The following KLHL13 variants were observed in gnomAD, a reference collection of about 807,000 sequenced individuals.
The protein encoded by KLHL13 is kelch like family member 13.
Under a neutral mutation model 37.1 loss-of-function variants are expected in KLHL13, and 10 were observed. The observed-to-expected ratio is 0.27, with a 90% CI of 0.17 to 0.46. KLHL13 has a LOEUF of 0.46. Ranked by LOEUF, KLHL13 falls within the 20% of genes least tolerant of loss-of-function variation. KLHL13 has a pLI of 1.00. For synonymous variants in KLHL13, 163 were observed against 181.2 expected (o/e 0.90, Z 0.81); for missense variants, 360 against 509.3 (o/e 0.71, Z 2.82).
chrX:117,943,432 G>T (rs1180369803), intron 2 of KLHL13, among the ~76,000 whole-genome samples: 2 of 110,713 alleles, frequency 1.8e-5, no homozygotes, highest in Non-Finnish European at 3.8e-5. Flanking sequence ...TTCCAACTTT[G>T]TTCCATTCTC....
At chrX:118,101,674 T>A (rs2055290649) in intron 1 of KLHL13, among the ~76,000 whole-genome samples, 1 of 111,028 alleles carries the variant, frequency 9.0e-6, no homozygotes, top group African/African-American at 3.3e-5. Flanking sequence ...CAATTTATAA[T>A]CCCCAAGTGT....
chrX:117,898,354 A>T (rs1225025629), exon 7 of KLHL13: 1 of 112,521 alleles, frequency 8.9e-6, no homozygotes, highest in East Asian at 2.8e-4. Flanking sequence ...TTGTGTTCTC[A>T]ATGCACCCAC....
At chrX:117,956,232 C>T (rs1277339266) in intron 1 of KLHL13, among the ~76,000 whole-genome samples, 1 of 111,991 alleles carries the variant, frequency 8.9e-6, no homozygotes, top group African/African-American at 3.2e-5. Flanking sequence ...CACAACTATA[C>T]ATCATTACCT....
chrX:118,082,542 A>T (rs1327616464), intron 1 of KLHL13, among the ~76,000 whole-genome samples: 2 of 111,225 alleles, frequency 1.8e-5, no homozygotes, highest in African/African-American at 6.5e-5. Flanking sequence ...ATATTCTCTC[A>T]CATTCTGTAG....
chrX:117,935,841 T>C (rs978891005), intron 2 of KLHL13, among the ~76,000 whole-genome samples: 1 of 110,070 alleles, frequency 9.1e-6, no homozygotes, highest in African/African-American at 3.3e-5. Flanking sequence ...GAGAAAAGAG[T>C]TGGGGGCAAC....
chrX:117,965,672 G>A (rs189664995), intron 1 of KLHL13, among the ~76,000 whole-genome samples: 8 of 111,110 alleles, frequency 7.2e-5, no homozygotes, highest in South Asian at 3.8e-4. Context: ...ACTGGCAAAC[G>A]GAATCCAGCA....
Position 117,919,560 on chromosome X carries a change from C to A in KLHL13, c.531G>T (p.Leu177=), listed in dbSNP as rs1222538921. 1 of 1,210,069 alleles carries A rather than the reference C, an allele frequency of 8.3e-7. No individual in the cohort carries two copies. The highest frequency in any genetic ancestry group is 2.2e-5 in the Admixed American group (1 of 45,874). The change falls in exon 4 of 7, where the codon CTG becomes CTT. Residue 177 remains leucine, a synonymous_variant. Transcript: ENST00000262820. ...ACACTTTACAGAAGTCCAAAACTGG[C>A]AGAATCTGTAGGAAACTGGCAGCTT... is the stretch of plus-strand genomic sequence containing the variant.
intron 1 of KLHL13, among the ~76,000 whole-genome samples, chrX:118,089,607 AGAG>A (rs2055096845): frequency 2.4e-5 from 2 of 83,984 alleles, no homozygotes; most frequent in Admixed American, 2.8e-4. Flanking sequence ...AGAGAGAGAG[AGAG>A]AGAAAGAAAG....
chrX:118,024,531 TC>T (rs1423767946), intron 1 of KLHL13, among the ~76,000 whole-genome samples: 1 of 111,561 alleles, frequency 9.0e-6, no homozygotes, highest in African/African-American at 3.3e-5. Context: ...AACTAAAACC[TC>T]CTAATAATCA....
chrX:118,093,582 G>A (rs1045852227), intron 1 of KLHL13, among the ~76,000 whole-genome samples: 6 of 111,758 alleles, frequency 5.4e-5, no homozygotes, highest in Non-Finnish European at 1.1e-4. Flanking sequence ...CCTATTACAT[G>A]CTACTCTGTA....
chrX:117,919,704 T>G, exon 4 of KLHL13: 1 of 1,191,355 alleles, frequency 8.4e-7, no homozygotes, highest in Non-Finnish European at 1.1e-6. Context: ...TTAAATCTTG[T>G]TCTTTCATTC....
intron 1 of KLHL13, among the ~76,000 whole-genome samples, chrX:117,981,186 A>G (rs982436441): frequency 3.6e-5 from 4 of 112,247 alleles, no homozygotes; most frequent in African/African-American, 1.3e-4. Context: ...TTAAAATCCT[A>G]TGATGTACAA....
chrX:118,100,807 C>G (rs747294471), intron 1 of KLHL13, among the ~76,000 whole-genome samples: 11 of 111,560 alleles, frequency 9.9e-5, no homozygotes, highest in Non-Finnish European at 2.1e-4. Flanking sequence ...TATACATTGC[C>G]TATATCTTGA....
intron 1 of KLHL13, among the ~76,000 whole-genome samples, chrX:118,068,003 G>A (rs7890190): frequency 0.034 from 3,828 of 111,443 alleles, 154 homozygotes; most frequent in African/African-American, 0.12. Flanking sequence ...CAGTGGGGTC[G>A]TTTACACCAG....
chrX:117,958,267 T>C (rs1463540371), intron 1 of KLHL13, among the ~76,000 whole-genome samples: 1 of 111,526 alleles, frequency 9.0e-6, no homozygotes, highest in African/African-American at 3.2e-5. Context: ...GATTTATAAA[T>C]TAGGTACAGT....
chrX:117,994,322 T>C lies in KLHL13; in HGVS notation c.-55-48747A>G, dbSNP rs368606485. On this transcript the variant is annotated intron_variant, in intron 1 of 6. Coordinates refer to the KLHL13 transcript ENST00000371882. The stretch of plus-strand genomic sequence containing the variant: ...AGGCTGGAGTGCAGTAGTGTGATTA[T>C]AGGTGACTGCAGCCTCGAACTCCTG... 1.6e-4 allele frequency among the ~76,000 whole-genome samples: 18 copies of C among 110,530 alleles called. No individual in the cohort carries two copies. The East Asian group carries it at 4.9e-3, about 30-fold the overall frequency.
chrX:117,925,194 A>G (rs1347261319), intron 2 of KLHL13, among the ~76,000 whole-genome samples: 1 of 111,959 alleles, frequency 8.9e-6, no homozygotes, highest in Non-Finnish European at 1.9e-5. Flanking sequence ...TTCAAGTGAA[A>G]TATAATGCTA....
intron 1 of KLHL13, among the ~76,000 whole-genome samples, chrX:117,986,560 G>A (rs1344687079): frequency 9.0e-6 from 1 of 111,210 alleles, no homozygotes; most frequent in Non-Finnish European, 1.9e-5. Flanking sequence ...AGTACATACC[G>A]GCCAACCTAC....
At chrX:117,906,102 CAACTT>C (rs936527818) in intron 5 of KLHL13, among the ~76,000 whole-genome samples, 1 of 111,575 alleles carries the variant, frequency 9.0e-6, no homozygotes, top group African/African-American at 3.2e-5. Flanking sequence ...ATGAATGTCT[CAACTT>C]AATCAGTTAC....
Sources: gnomAD v4.1 joint callset for allele counts (sites outside exome capture counted in the v4.1 genomes callset) on GRCh38, gnomAD v4.1.1 for gene constraint, MANE v1.5 for transcripts, NCBI Gene and HGNC (gene_info 2026-07-23, HGNC 2026-07-21) for gene names.